NELL1: variants seen among roughly 807,000 people sequenced by gnomAD.
The protein encoded by NELL1 is protein kinase C-binding protein NELL1.
NELL1 carries 76 observed loss-of-function variants against 107.4 expected under a neutral mutation model. The observed-to-expected ratio is 0.71, with a 90% confidence interval of 0.59 to 0.86. The LOEUF is 0.86. Among genes scored for constraint, NELL1 ranks in the 40% least tolerant of loss-of-function variants. The pLI, the probability that NELL1 is intolerant of heterozygous loss-of-function variation, is 0.00. For missense variants in NELL1, 1,024 were observed against 1,005.5 expected (o/e 1.02, Z -0.25); for synonymous variants, 353 against 341.2 (o/e 1.03, Z -0.38).
At chr11:20,944,560 A>G (rs1234024378) in intron 10 of NELL1, among the ~76,000 whole-genome samples, 1 of 152,208 alleles carries the variant, frequency 6.6e-6, no homozygotes, top group Non-Finnish European at 1.5e-5. Flanking sequence ...GAGAAAGAAA[A>G]AAGGAATTGT....
chr11:21,408,587 G>A (rs1474386136), intron 15 of NELL1, among the ~76,000 whole-genome samples: 18 of 151,934 alleles, frequency 1.2e-4, no homozygotes, highest in African/African-American at 4.3e-4. Flanking sequence ...AGATGAGTAG[G>A]TTGCGAAAAT....
chr11:21,441,901 T>C (rs1474531743), intron 15 of NELL1, among the ~76,000 whole-genome samples: 1 of 152,148 alleles, frequency 6.6e-6, no homozygotes, highest in Non-Finnish European at 1.5e-5. Flanking sequence ...GAATATATAT[T>C]TACCCAAGAA....
chr11:21,538,609 CAG>C (rs1486359323), intron 16 of NELL1, among the ~76,000 whole-genome samples: 1 of 152,092 alleles, frequency 6.6e-6, no homozygotes, highest in African/African-American at 2.4e-5. Context: ...ATGATAATGA[CAG>C]TGATTTGTTG....
intron 13 of NELL1, among the ~76,000 whole-genome samples, chr11:21,136,198 A>T (rs779272322): frequency 1.3e-5 from 2 of 152,144 alleles, no homozygotes; most frequent in East Asian, 1.9e-4. Flanking sequence ...AGAACATTTC[A>T]TTCAGAGGGA....
chr11:20,990,309 G>A (rs116830178), intron 12 of NELL1, among the ~76,000 whole-genome samples: 1 of 152,008 alleles, frequency 6.6e-6, no homozygotes, highest in South Asian at 2.1e-4. Flanking sequence ...TCTTAATAGC[G>A]TGCCTCTGTA....
At chr11:21,523,002 G>A (rs888678239) in intron 15 of NELL1, among the ~76,000 whole-genome samples, 2 of 150,884 alleles carry the variant, frequency 1.3e-5, no homozygotes, top group African/African-American at 4.9e-5. Context: ...CCACCACCAC[G>A]CCCGGCTGAT....
intron 2 of NELL1, among the ~76,000 whole-genome samples, chr11:20,705,884 A>C (rs1354395130): frequency 6.6e-6 from 1 of 152,218 alleles, no homozygotes; most frequent in Non-Finnish European, 1.5e-5. Context: ...TCATAAGAAG[A>C]CATTTATGCA....
At chr11:21,048,477 G>A (rs1032945902) in intron 12 of NELL1, among the ~76,000 whole-genome samples, 1 of 152,026 alleles carries the variant, frequency 6.6e-6, no homozygotes, top group Admixed American at 6.6e-5. Context: ...TGATGTCTTT[G>A]TTCCTTTTAC....
chr11:21,427,840 A>T (rs1281258131), intron 15 of NELL1, among the ~76,000 whole-genome samples: 3 of 152,210 alleles, frequency 2.0e-5, no homozygotes, highest in Non-Finnish European at 4.4e-5. Flanking sequence ...AACCTAATAG[A>T]CTTTCAGTCA....
chr11:21,214,938 A>G (rs1857582477), intron 13 of NELL1, among the ~76,000 whole-genome samples: 1 of 152,230 alleles, frequency 6.6e-6, no homozygotes, highest in African/African-American at 2.4e-5. Context: ...AAAATGGTAT[A>G]AACTAAATTA....
At chr11:21,494,824 A>C (rs1003513249) in intron 15 of NELL1, among the ~76,000 whole-genome samples, 4 of 151,970 alleles carry the variant, frequency 2.6e-5, no homozygotes, top group African/African-American at 4.8e-5. Flanking sequence ...GTTTTCATTG[A>C]AAAAAACAAG....
intron 15 of NELL1, among the ~76,000 whole-genome samples, chr11:21,441,140 A>C (rs1386804687): frequency 6.6e-6 from 1 of 152,106 alleles, no homozygotes; most frequent in Non-Finnish European, 1.5e-5. Flanking sequence ...ACCAACACAG[A>C]ACTGGGGCTA....
intron 5 of NELL1, among the ~76,000 whole-genome samples, chr11:20,906,315 GAA>G: frequency 6.6e-6 from 1 of 152,188 alleles, no homozygotes; most frequent in Admixed American, 6.5e-5. Flanking sequence ...TAGAAAATCT[GAA>G]GAGACTTATA....
At chr11:20,960,585 A>G (rs753570846) in intron 12 of NELL1, 25 bp downstream of exon 12, 6 of 1,612,896 alleles carry the variant, frequency 3.7e-6, no homozygotes, top group Admixed American at 1.7e-5. Context: ...TAATGAAGTC[A>G]CTTGTGAGAG....
intron 3 of NELL1, among the ~76,000 whole-genome samples, chr11:20,811,820 A>G (rs1857507430): frequency 1.3e-5 from 2 of 152,136 alleles, no homozygotes; most frequent in South Asian, 4.1e-4. Flanking sequence ...TAGTTCTTAT[A>G]GTTTTTGTGG....
intron 15 of NELL1, among the ~76,000 whole-genome samples, chr11:21,421,714 G>GC (rs1852676799): frequency 6.6e-6 from 1 of 152,066 alleles, no homozygotes; most frequent in Non-Finnish European, 1.5e-5. Context: ...AGAAAAAGGA[G>GC]CAGAGAGATT....
At chr11:21,124,531 T>C in intron 13 of NELL1, among the ~76,000 whole-genome samples, 1 of 151,900 alleles carries the variant, frequency 6.6e-6, no homozygotes, top group East Asian at 1.9e-4. Flanking sequence ...CTCACAGTTC[T>C]GGAAGCTAAG....
chr11:21,237,938 C>A (rs1858252016), intron 14 of NELL1, among the ~76,000 whole-genome samples: 1 of 152,024 alleles, frequency 6.6e-6, no homozygotes, highest in Admixed American at 6.6e-5. Context: ...CATCTATATG[C>A]TAATGACTAC....
intron 13 of NELL1, among the ~76,000 whole-genome samples, chr11:21,180,650 G>A (rs1297411359): frequency 1.3e-5 from 2 of 151,574 alleles, no homozygotes; most frequent in African/African-American, 2.4e-5. Flanking sequence ...AAACACATTG[G>A]CCTCGTACTT....
Sources: gnomAD v4.1 joint callset for allele counts (sites outside exome capture counted in the v4.1 genomes callset) on GRCh38, gnomAD v4.1.1 for gene constraint, MANE v1.5 for transcripts, NCBI Gene and HGNC (gene_info 2026-07-23, HGNC 2026-07-21) for gene names.